MALRD1: variants seen among roughly 807,000 people sequenced by gnomAD.
The protein encoded by MALRD1 is MAM and LDL-receptor class A domain-containing protein 1.
In MALRD1, 247 loss-of-function variants were observed where a neutral mutation model predicts 242.1. The ratio of observed to expected loss-of-function variants is 1.02; its 90% CI spans 0.92 to 1.13. The LOEUF (loss-of-function observed/expected upper bound fraction) is 1.13. MALRD1 is among the 50% of genes most tolerant of loss of function. The pLI is 0.00. For missense variants in MALRD1, 2,989 were observed against 2,533.1 expected, an observed-to-expected ratio of 1.18 and a Z score of -3.86; for synonymous variants, 995 against 866.6, an observed-to-expected ratio of 1.15 and a Z score of -2.60.
chr10:19,586,691 C>G (rs1417631736), intron 33 of MALRD1, among the ~76,000 whole-genome samples: 3 of 152,198 alleles, frequency 2.0e-5, no homozygotes, highest in African/African-American at 7.2e-5. Flanking sequence ...TTGTCTGTGC[C>G]CTGCCCCCAG....
chr10:19,164,513 A>G (rs1393485869), intron 12 of MALRD1, among the ~76,000 whole-genome samples: 1 of 152,152 alleles, frequency 6.6e-6, no homozygotes, highest in Non-Finnish European at 1.5e-5. Flanking sequence ...TCATCTTTAA[A>G]TGTTGGGTTT....
Position 19,283,181 on chromosome 10 carries a change from A to G in MALRD1, c.3419A>G (p.Gln1140Arg). The G allele has an allele frequency of 6.6e-7, 1 of 1,525,458 alleles. No individual in the cohort carries two copies. The allele number at this position is 1,525,458 out of a possible 1,614,324, so 94.5% of individuals were successfully genotyped here. Residue 1140 changes from glutamine (Q) to arginine (R), a missense_variant and splice_region_variant, in exon 21 of 40, where the codon CAA becomes CGA. Physicochemically the swap from Gln to Arg is conservative, Grantham distance 43. Coordinates refer to ENST00000454679, the MANE Select transcript of MALRD1 (RefSeq NM_001142308.3). ...CACAGGCCATCAGTGGATCATACACAGTAAGTGACCATGTATTTTGAATAT... is the reference window on the plus strand; with the variant it reads ...CACAGGCCATCAGTGGATCATACACGGTAAGTGACCATGTATTTTGAATAT... ...ENHRPSVDHTQNTTDGWYLYA... is the reference protein window; with the variant it reads ...ENHRPSVDHTRNTTDGWYLYA...
intron 26 of MALRD1, among the ~76,000 whole-genome samples, chr10:19,365,683 A>T (rs1270225227): frequency 6.7e-6 from 1 of 149,026 alleles, no homozygotes; most frequent in Non-Finnish European, 1.5e-5. Flanking sequence ...AAAAAAAAAA[A>T]AAAAACAAGC....
chr10:19,482,701 A>G (rs1218508671), intron 29 of MALRD1, among the ~76,000 whole-genome samples: 1 of 151,482 alleles, frequency 6.6e-6, no homozygotes, highest in East Asian at 1.9e-4. Context: ...ATACACACAA[A>G]GCAAAAAATA....
At chr10:19,065,431 C>T (rs1386556959) in intron 1 of MALRD1, among the ~76,000 whole-genome samples, 1 of 151,814 alleles carries the variant, frequency 6.6e-6, no homozygotes, top group African/African-American at 2.4e-5. Flanking sequence ...GTGGGAGTGT[C>T]TTATGCTAAT....
chr10:19,066,685 G>T, intron 1 of MALRD1, 34 bp from the exon 2 acceptor site: 1 of 1,231,954 alleles, frequency 8.1e-7, no homozygotes, highest in Non-Finnish European at 1.0e-6. Context: ...GCTAAACACA[G>T]TTGTGAAAAC....
At chr10:19,454,751 T>C (rs1472023230) in intron 29 of MALRD1, among the ~76,000 whole-genome samples, 1 of 129,184 alleles carries the variant, frequency 7.7e-6, no homozygotes, top group Admixed American at 7.7e-5. Flanking sequence ...CACACACACA[T>C]TATATGTACC....
intron 36 of MALRD1, among the ~76,000 whole-genome samples, chr10:19,662,267 C>T (rs1035889193): frequency 6.6e-6 from 1 of 152,034 alleles, no homozygotes; most frequent in East Asian, 1.9e-4. Flanking sequence ...AAAATGCATA[C>T]AGCAAAATCA....
At position 19,465,288 on chromosome 10, in the gene MALRD1, G is replaced by A. The variant is rs931242886; in HGVS notation, c.5029+14798G>A. On this transcript the variant is annotated intron_variant, in intron 29 of 39. Coordinates refer to ENST00000454679, the MANE Select transcript of MALRD1 (RefSeq NM_001142308.3). The stretch of plus-strand genomic sequence containing the variant: ...AGAGTGGGCATCCTTGTCTTGTTAC[G>A]GTTCTCAAAGGGAATGCTTTCAACT... Among the ~76,000 whole-genome samples, 18 of 152,088 alleles carry A rather than the reference G, an allele frequency of 1.2e-4. 1 individual carries two copies. The highest frequency in any genetic ancestry group is 1.2e-3 in the Admixed American group (18 of 15,280).
chr10:19,141,455 G>A (rs1476909891), intron 10 of MALRD1, among the ~76,000 whole-genome samples: 2 of 152,090 alleles, frequency 1.3e-5, no homozygotes, highest in Non-Finnish European at 1.5e-5. Flanking sequence ...GAGATGGATG[G>A]TGGTAATGGT....
In MALRD1 at chr10:19,658,901, A is replaced by G. The variant is rs77154126; in HGVS notation, c.6138-33381A>G. Among the ~76,000 whole-genome samples the G allele has an allele frequency of 2.6e-3, 401 of 152,286 alleles. 9 individuals carry two copies. The East Asian group carries it at 0.059, about 22-fold the overall frequency. The stretch of plus-strand genomic sequence containing the variant: ...TTCCTAGAAGAATGCCATTAAAAAC[A>G]ATCTTGATTTTTTTTAAGAAAGAAA... On this transcript the variant is annotated intron_variant, in intron 36 of 39. Transcript: ENST00000454679.
chr10:19,327,540 T>C, intron 22 of MALRD1, 23 bp from the exon 23 acceptor site: 1 of 1,522,328 alleles, frequency 6.6e-7, no homozygotes, highest in Non-Finnish European at 8.9e-7. Flanking sequence ...CTTCAGTGCC[T>C]TTTACTTGAT....
intron 24 of MALRD1, among the ~76,000 whole-genome samples, chr10:19,335,989 G>T (rs1261224091): frequency 6.6e-6 from 1 of 151,716 alleles, no homozygotes; most frequent in African/African-American, 2.4e-5. Context: ...AACAGACAGA[G>T]AGCCAAATCA....
chr10:19,598,293 G>T (rs1838199373), intron 34 of MALRD1: 1 of 152,072 alleles, frequency 6.6e-6, no homozygotes, highest in Non-Finnish European at 1.5e-5. Context: ...CACTAGAGAA[G>T]TTTTTTTGAA....
At chr10:19,686,241 A>G (rs1402430404) in intron 36 of MALRD1, among the ~76,000 whole-genome samples, 2 of 152,102 alleles carry the variant, frequency 1.3e-5, no homozygotes, top group East Asian at 3.9e-4. Context: ...GCACATTTTG[A>G]CGTTTGACTT....
chr10:19,146,958 T>A (rs56224027), intron 11 of MALRD1, among the ~76,000 whole-genome samples: 2,490 of 152,348 alleles, frequency 0.016, 74 homozygotes, highest in African/African-American at 0.057. Context: ...TTCTTTTGTT[T>A]TGTTCACATT....
rs74118917 is a variant in MALRD1 at position 19,392,059 on chromosome 10, C to T, written c.4845+2450C>T. On this transcript the variant is annotated intron_variant, in intron 28 of 39. Transcript: ENST00000454679. Reference sequence around the variant, plus strand: ...TGGAATCGGATTTAAAAGCATGTGCCATTGAACAATAATTAATTGGTAGCC... The same window carrying T: ...TGGAATCGGATTTAAAAGCATGTGCTATTGAACAATAATTAATTGGTAGCC... 1.8e-3 allele frequency among the ~76,000 whole-genome samples: 273 copies of T among 152,242 alleles called. 1 individual carries two copies. Among genetic ancestry groups the T allele is most frequent in the African/African-American group, 6.4e-3 (266 of 41,554 alleles).
At chr10:19,112,150 A>T (rs1305380251) in intron 5 of MALRD1, among the ~76,000 whole-genome samples, 4 of 140,036 alleles carry the variant, frequency 2.9e-5, no homozygotes, top group African/African-American at 1.1e-4. Flanking sequence ...GATTCTCAGG[A>T]TTTTTTTTTT....
Position 19,595,294 on chromosome 10 carries a change from A to G in MALRD1, c.5781A>G (p.Glu1927=), listed in dbSNP as rs537098979. 7 of 1,550,834 alleles carry G rather than the reference A, an allele frequency of 4.5e-6. No homozygotes were observed. Among genetic ancestry groups the G allele is most frequent in the South Asian group, 1.2e-5 (1 of 84,044 alleles). Residue 1927 remains glutamate, a synonymous_variant, in exon 34 of 40, where the codon GAA becomes GAG. Transcript: ENST00000454679. The part of the protein sequence containing the change: ...VPLSGKCDGH[E]DCIDGSDEMD... ...TCTCAGGGAAATGTGATGGACATGA[A>G]GACTGCATAGATGGATCTGATGAAA...
Sources: allele counts gnomAD v4.1 joint callset (sites outside exome capture counted in the v4.1 genomes callset), GRCh38; gene constraint gnomAD v4.1.1; transcripts MANE v1.5; gene names NCBI Gene and HGNC (gene_info 2026-07-23, HGNC 2026-07-21).